The following RARRES1 variants were observed in gnomAD, a reference collection of about 807,000 sequenced individuals.
The protein encoded by RARRES1 is retinoic acid receptor responder 1, also known as retinoic acid receptor responder protein 1.
A neutral mutation model predicts 30.6 loss-of-function variants in RARRES1; 34 were observed. The ratio of observed to expected loss-of-function variants is 1.11; its 90% CI spans 0.84 to 1.48. The LOEUF is 1.48. RARRES1 is among the 40% of genes most tolerant of loss of function. The pLI, the probability that RARRES1 is intolerant of heterozygous loss-of-function variation, is 0.00. For missense variants in RARRES1, 373 were observed against 386.5 expected (o/e 0.97, Z 0.29); for synonymous variants, 153 against 155.5 (o/e 0.98, Z 0.12).
chr3:158,703,253 G>C (rs1053482096), intron 4 of RARRES1, among the ~76,000 whole-genome samples: 1 of 152,084 alleles, frequency 6.6e-6, no homozygotes, highest in African/African-American at 2.4e-5. Flanking sequence ...CCCTCTATGT[G>C]AACTCTCCGT....
intron 1 of RARRES1, among the ~76,000 whole-genome samples, chr3:158,726,298 G>A (rs927091124): frequency 3.3e-5 from 5 of 152,202 alleles, no homozygotes; most frequent in Non-Finnish European, 7.3e-5. Context: ...AAATTATGTT[G>A]TATTAATGTG....
intron 1 of RARRES1, among the ~76,000 whole-genome samples, chr3:158,724,455 T>C (rs1015944947): frequency 6.6e-6 from 1 of 152,164 alleles, no homozygotes; most frequent in African/African-American, 2.4e-5. Context: ...CAGACAGTAG[T>C]GTCATAATCA....
chr3:158,702,626 T>G (rs186190619), intron 4 of RARRES1, among the ~76,000 whole-genome samples: 40 of 152,344 alleles, frequency 2.6e-4, no homozygotes, highest in African/African-American at 9.1e-4. Flanking sequence ...ATTAGTTCTA[T>G]ATTATCTTGA....
intron 1 of RARRES1, among the ~76,000 whole-genome samples, chr3:158,720,697 C>T (rs1243543731): frequency 6.6e-6 from 1 of 152,144 alleles, no homozygotes; most frequent in Non-Finnish European, 1.5e-5. Context: ...TGCAGTGGTG[C>T]AATCATAGCT....
chr3:158,722,097 A>T (rs186606728), intron 1 of RARRES1, among the ~76,000 whole-genome samples: 120 of 151,892 alleles, frequency 7.9e-4, no homozygotes, highest in Admixed American at 2.7e-3. Context: ...AAAAAAAAAA[A>T]AAAAAAAAAG....
chr3:158,702,762 C>A (rs941606624), intron 4 of RARRES1, among the ~76,000 whole-genome samples: 1 of 152,084 alleles, frequency 6.6e-6, no homozygotes, highest in Non-Finnish European at 1.5e-5. Flanking sequence ...TAGAAACTTA[C>A]CTAGCAAAAG....
At chr3:158,700,202 A>AGTGTGTGTGTGT (rs138755640) in intron 4 of RARRES1, among the ~76,000 whole-genome samples, 96 of 147,778 alleles carry the variant, frequency 6.5e-4, no homozygotes, top group African/African-American at 2.4e-3. Context: ...AATAATAATA[A>AGTGTGTGTGTGT]GTGTGTGTGT....
chr3:158,719,379 G>C (rs530699887), intron 1 of RARRES1, among the ~76,000 whole-genome samples: 4 of 149,566 alleles, frequency 2.7e-5, no homozygotes, highest in Non-Finnish European at 5.9e-5. Flanking sequence ...TCAAGCGATT[G>C]TCCTGCCTCA....
intron 1 of RARRES1, among the ~76,000 whole-genome samples, chr3:158,719,674 C>T (rs901150488): frequency 6.6e-6 from 1 of 152,122 alleles, no homozygotes; most frequent in African/African-American, 2.4e-5. Flanking sequence ...CCTCCCCTTC[C>T]TCATATGCCA....
chr3:158,720,171 C>A (rs1188344730), intron 1 of RARRES1, among the ~76,000 whole-genome samples: 1 of 151,318 alleles, frequency 6.6e-6, no homozygotes, highest in Non-Finnish European at 1.5e-5. Context: ...CCGCACAGGA[C>A]TGCACAGAAA....
chr3:158,709,217 A>G (rs1727032224), intron 3 of RARRES1, among the ~76,000 whole-genome samples: 1 of 152,238 alleles, frequency 6.6e-6, no homozygotes, highest in Non-Finnish European at 1.5e-5. Context: ...CTTATTAACT[A>G]AACATACAGT....
intron 2 of RARRES1, among the ~76,000 whole-genome samples, chr3:158,711,468 G>A (rs975034957): frequency 2.6e-5 from 4 of 152,100 alleles, no homozygotes; most frequent in African/African-American, 7.2e-5. Flanking sequence ...TTCTAACACC[G>A]AAGCCCAGGC....
At chr3:158,732,096 G>A in intron 1 of RARRES1, 44 bp downstream of exon 1, 2 of 1,301,948 alleles carry the variant, frequency 1.5e-6, no homozygotes, top group Non-Finnish European at 1.9e-6. Flanking sequence ...AGCGCCGTGC[G>A]CGGACAGGCA....
intron 1 of RARRES1, among the ~76,000 whole-genome samples, chr3:158,722,210 A>G (rs1404119595): frequency 6.6e-6 from 1 of 152,080 alleles, no homozygotes. Context: ...TTGTTTTATA[A>G]TGACATTTGT....
chr3:158,725,370 C>T (rs1294867732), intron 1 of RARRES1, among the ~76,000 whole-genome samples: 1 of 152,118 alleles, frequency 6.6e-6, no homozygotes, highest in Non-Finnish European at 1.5e-5. Context: ...TGGATTTGGG[C>T]GAGTGTGTGT....
chr3:158,715,832 C>G (rs1727304039), intron 1 of RARRES1, among the ~76,000 whole-genome samples: 1 of 152,070 alleles, frequency 6.6e-6, no homozygotes, highest in South Asian at 2.1e-4. Context: ...CCCATGACCT[C>G]TTATCTCAAA....
intron 4 of RARRES1, among the ~76,000 whole-genome samples, chr3:158,700,569 A>G (rs938785506): frequency 3.3e-5 from 5 of 152,118 alleles, no homozygotes; most frequent in African/African-American, 1.2e-4. Flanking sequence ...AGGAGGAACC[A>G]CCTTTAAACC....
intron 1 of RARRES1, among the ~76,000 whole-genome samples, chr3:158,730,896 G>T (rs1174324133): frequency 6.6e-6 from 1 of 152,142 alleles, no homozygotes; most frequent in Non-Finnish European, 1.5e-5. Flanking sequence ...CGATTCTCCT[G>T]CCTCAGCCTC....
At chr3:158,712,658 T>C (rs1727175343) in intron 2 of RARRES1, among the ~76,000 whole-genome samples, 1 of 152,152 alleles carries the variant, frequency 6.6e-6, no homozygotes, top group Non-Finnish European at 1.5e-5. Flanking sequence ...GTCAAAGTCA[T>C]TTCCAGAGAA....
Sources: gnomAD v4.1 joint callset for allele counts (sites outside exome capture counted in the v4.1 genomes callset) on GRCh38, gnomAD v4.1.1 for gene constraint, MANE v1.5 for transcripts, NCBI Gene and HGNC (gene_info 2026-07-23, HGNC 2026-07-21) for gene names.